Variants in HEMK1 observed in about 807,000 individuals in gnomAD.
The protein encoded by HEMK1 is MTRF1L release factor glutamine methyltransferase.
Under a neutral mutation model 47.9 loss-of-function variants are expected in HEMK1, and 36 were observed. That is an observed-to-expected ratio of 0.75 (90% confidence interval 0.58 to 0.99). The LOEUF is 0.99. HEMK1 is among the 50% of genes least tolerant of loss of function. The pLI is 0.00. For synonymous variants in HEMK1, 153 were observed against 165.4 expected, an observed-to-expected ratio of 0.93 and a Z score of 0.57; for missense variants, 383 against 434.5, an observed-to-expected ratio of 0.88 and a Z score of 1.05.
intron 7 of HEMK1, 135 bp downstream of exon 7, chr3:50,578,010 G>A (rs187852156): frequency 1.0e-4 from 80 of 803,070 alleles, no homozygotes; most frequent in Admixed American, 4.7e-4. Context: ...ACACATACAC[G>A]TGTGTGTGTG....
At chr3:50,571,942 C>T (rs111467011) in intron 3 of HEMK1, 141 bp downstream of exon 3, 27 of 796,038 alleles carry the variant, frequency 3.4e-5, no homozygotes, top group Admixed American at 4.7e-5. Flanking sequence ...AGAGTGGGGC[C>T]GGGGTACTGA....
intron 4 of HEMK1, among the ~76,000 whole-genome samples, chr3:50,576,203 C>A (rs1421049325): frequency 1.3e-5 from 2 of 152,218 alleles, no homozygotes; most frequent in Non-Finnish European, 2.9e-5. Context: ...TCAAGCCCAG[C>A]TCTGTGAGGA....
chr3:50,595,043 TGCGCACCA>T lies in HEMK1; in HGVS notation c.*14627_*14634del, dbSNP rs1443645268. 1 of 152,038 alleles carries T rather than the reference TGCGCACCA, an allele frequency of 6.6e-6. No homozygotes were observed. Among genetic ancestry groups the T allele is most frequent in the Non-Finnish European group, 1.5e-5 (1 of 68,080 alleles). 9.4% of individuals were successfully genotyped at this position (152,038 alleles called of 1,614,324 possible). Reference sequence around the variant, plus strand: ...GGCTCCCGAGTACTGGGACTACAGGTGCGCACCACCACACCCAGCTATTTTGTATTTTT... The same window carrying T: ...GGCTCCCGAGTACTGGGACTACAGGTCCACACCCAGCTATTTTGTATTTTT... On this transcript the variant is annotated 3_prime_UTR_variant, in exon 11 of 11. Coordinates refer to ENST00000232854, the MANE Select transcript of HEMK1 (RefSeq NM_016173.5).
rs567571435 is a variant in HEMK1 at position 50,584,844 on chromosome 3, G to A, written c.*4427G>A. ...AAATTAGAGTGCTGCTGTAACACAC[G>A]CCTACTGATTGAAGTGGCTTTGGAA... On this transcript the variant is annotated 3_prime_UTR_variant, in exon 11 of 11. Coordinates refer to ENST00000232854, the MANE Select transcript of HEMK1 (RefSeq NM_016173.5). 4 of 152,318 alleles carry A rather than the reference G, an allele frequency of 2.6e-5. No individual in the cohort carries two copies. The highest frequency in any genetic ancestry group is 6.5e-5 in the Admixed American group (1 of 15,304). The allele number at this position is 152,318 out of a possible 1,614,324, so 9.4% of individuals were successfully genotyped here.
intron 4 of HEMK1, among the ~76,000 whole-genome samples, 169 bp downstream of exon 4, chr3:50,572,377 A>G (rs2355321): frequency 0.1 from 15,319 of 152,250 alleles, 956 homozygotes; most frequent in Non-Finnish European, 0.13. Context: ...CAGAGGACAG[A>G]GGATTCCTGT....
At position 50,584,218 on chromosome 3, in the gene HEMK1, GC is replaced by G. The variant is rs1041064199; in HGVS notation, c.*3806del. 12 of 152,342 alleles carry G rather than the reference GC, an allele frequency of 7.9e-5. No individual in the cohort carries two copies. The highest frequency in any genetic ancestry group is 2.6e-4 in the African/African-American group (11 of 41,562). The allele number at this position is 152,342 out of a possible 1,614,324, so 9.4% of individuals were successfully genotyped here. On this transcript the variant is annotated 3_prime_UTR_variant, in exon 11 of 11. Transcript: ENST00000232854. Reference sequence around the variant, plus strand: ...TTCCTGGAGCTCTTGGCTTCAGCCAGCCCCCAGCCAGAGTCCTGGCTAGGAC... The same window carrying G: ...TTCCTGGAGCTCTTGGCTTCAGCCAGCCCCAGCCAGAGTCCTGGCTAGGAC...
chr3:50,577,380 A>G (rs1251947045), intron 5 of HEMK1, 129 bp from the exon 6 acceptor site: 1 of 1,194,224 alleles, frequency 8.4e-7, no homozygotes, highest in African/African-American at 1.5e-5. Flanking sequence ...ACTTTGGCCA[A>G]GAAGAAAAGG....
At chr3:50,572,063 C>T (rs2107391072) in intron 3 of HEMK1, 52 bp from the exon 4 acceptor site, 3 of 1,610,354 alleles carry the variant, frequency 1.9e-6, no homozygotes, top group East Asian at 2.2e-5. Flanking sequence ...CAGGCATGGT[C>T]CTGTTGGTCC....
At position 50,595,895 on chromosome 3, in the gene HEMK1, C is replaced by G. The variant is rs1440657294; in HGVS notation, c.*15478C>G. Reference sequence around the variant, plus strand: ...CCACGCAAAGGAAGAGGTTTCCACACCTGGGATTGATACTGCTGGGACTCC... The same window carrying G: ...CCACGCAAAGGAAGAGGTTTCCACAGCTGGGATTGATACTGCTGGGACTCC... On this transcript the variant is annotated 3_prime_UTR_variant, in exon 11 of 11. Coordinates refer to ENST00000232854, the MANE Select transcript of HEMK1 (RefSeq NM_016173.5). 3 of 152,186 alleles carry G rather than the reference C, an allele frequency of 2.0e-5. No homozygotes were observed. Among genetic ancestry groups the G allele is most frequent in the African/African-American group, 7.2e-5 (3 of 41,438 alleles). 9.4% of individuals were successfully genotyped at this position (152,186 alleles called of 1,614,324 possible).
intron 6 of HEMK1, 123 bp from the exon 7 acceptor site, chr3:50,577,703 C>G (rs567440416): frequency 7.4e-7 from 1 of 1,349,348 alleles, no homozygotes; most frequent in East Asian, 2.3e-5. Context: ...CCATGGGGTT[C>G]TGAATGGGTA....
At chr3:50,573,233 C>A (rs537322909) in intron 4 of HEMK1, among the ~76,000 whole-genome samples, 1 of 152,174 alleles carries the variant, frequency 6.6e-6, no homozygotes, top group African/African-American at 2.4e-5. Context: ...GGGGGCAGCA[C>A]GTGGACTTCC....
rs989638506 is a variant in HEMK1 at position 50,594,227 on chromosome 3, G to A, written c.*13810G>A. The A allele has an allele frequency of 1.3e-5, 2 of 152,048 alleles. No homozygotes were observed. The highest frequency in any genetic ancestry group is 2.4e-5 in the African/African-American group (1 of 41,380). 9.4% of individuals were successfully genotyped at this position (152,048 alleles called of 1,614,324 possible). The stretch of plus-strand genomic sequence containing the variant: ...GATGGCCCTTTTCTACTTAAAAATG[G>A]TTCAGTCTAGTTCTGGCTGACTCTG... On this transcript the variant is annotated 3_prime_UTR_variant, in exon 11 of 11. Transcript: ENST00000232854.
intron 1 of HEMK1, 169 bp downstream of exon 1, chr3:50,569,743 G>A (rs964802831): frequency 6.6e-6 from 1 of 152,394 alleles, no homozygotes; most frequent in Admixed American, 6.5e-5. Context: ...TTACACTTCT[G>A]ACTTCGGGCC....
chr3:50,571,576 T>C (rs1700962799), intron 2 of HEMK1, 134 bp from the exon 3 acceptor site: 4 of 863,416 alleles, frequency 4.6e-6, no homozygotes, highest in Non-Finnish European at 7.7e-6. Flanking sequence ...GGCAGGATGC[T>C]GCCCCCTCTG....
At position 50,591,346 on chromosome 3, in the gene HEMK1, A is replaced by G. The variant is rs908791027; in HGVS notation, c.*10929A>G. The stretch of plus-strand genomic sequence containing the variant: ...GCAGAACTCATGGACTTGCACATAG[A>G]CTCCTCCTGACAGGCCCCTCATGAG... On this transcript the variant is annotated 3_prime_UTR_variant, in exon 11 of 11. Transcript: ENST00000232854. 1 of 151,472 alleles carries G rather than the reference A, an allele frequency of 6.6e-6. No homozygotes were observed. Among genetic ancestry groups the G allele is most frequent in the Non-Finnish European group, 1.5e-5 (1 of 67,896 alleles). The allele number at this position is 151,472 out of a possible 1,614,324, so 9.4% of individuals were successfully genotyped here.
chr3:50,591,181 G>C lies in HEMK1; in HGVS notation c.*10764G>C, dbSNP rs1309175378. 6.6e-6 allele frequency: 1 copy of C among 152,222 alleles called. No individual in the cohort carries two copies. Among genetic ancestry groups the C allele is most frequent in the Non-Finnish European group, 1.5e-5 (1 of 68,060 alleles). 9.4% of individuals were successfully genotyped at this position (152,222 alleles called of 1,614,324 possible). ...GCTGAGACCACCTTCCCAAAGTTGG[G>C]GAAGGGGTAACTGAGGCTGTCATCT... On this transcript the variant is annotated 3_prime_UTR_variant, in exon 11 of 11. Transcript: ENST00000232854.
In HEMK1 at chr3:50,590,559, AAAAAG is replaced by A. The variant is rs1339981594; in HGVS notation, c.*10144_*10148del. The A allele has an allele frequency of 5.3e-5, 8 of 152,068 alleles. No homozygotes were observed. Among genetic ancestry groups the A allele is most frequent in the Admixed American group, 3.9e-4 (6 of 15,284 alleles). 9.4% of individuals were successfully genotyped at this position (152,068 alleles called of 1,614,324 possible). On this transcript the variant is annotated 3_prime_UTR_variant, in exon 11 of 11. Coordinates refer to ENST00000232854, the MANE Select transcript of HEMK1 (RefSeq NM_016173.5). ...CGACAGCAAGACTGTTTCAAAAAAA[AAAAAG>A]AGGAAGAGTGAAAGGATGGACGAAA...
chr3:50,575,036 T>A (rs573614935), intron 4 of HEMK1, among the ~76,000 whole-genome samples: 1 of 152,198 alleles, frequency 6.6e-6, no homozygotes, highest in East Asian at 1.9e-4. Flanking sequence ...CTCTGCTCCA[T>A]TGGGCCTGGC....
rs748888994 is a variant in HEMK1, at chr3:50,579,853, C to G, written c.780C>G (p.Asp260Glu). 5.6e-6 allele frequency: 9 copies of G among 1,613,214 alleles called. No homozygotes were observed. The highest frequency in any genetic ancestry group is 6.8e-6 in the Non-Finnish European group (8 of 1,179,440). The change falls in exon 9 of 11, where the codon GAC becomes GAG. Residue 260 changes from aspartate to glutamate, a missense_variant. Transcript: ENST00000232854. ...CTGCTTTGCCTTTCAGCTATGAAGACCCCGCGGCCCTGGATGGTGGGGAGG... is the reference window on the plus strand; with the variant it reads ...CTGCTTTGCCTTTCAGCTATGAAGAGCCCGCGGCCCTGGATGGTGGGGAGG... ...QLAPEIRSYE[D>E]PAALDGGEEG...
Sources: gnomAD v4.1 joint callset for allele counts (sites outside exome capture counted in the v4.1 genomes callset) on GRCh38, gnomAD v4.1.1 for gene constraint, MANE v1.5 for transcripts, NCBI Gene and HGNC (gene_info 2026-07-23, HGNC 2026-07-21) for gene names.